Variants in TCF4 observed in about 807,000 individuals in gnomAD.
TCF4 encodes SL3-3 enhancer factor 2.
A neutral mutation model predicts 82.1 loss-of-function variants in TCF4; 3 were observed. That is an observed-to-expected ratio of 0.04 (90% CI 0.02 to 0.09). The LOEUF (loss-of-function observed/expected upper bound fraction) is 0.09, where lower values mean the gene tolerates loss of function less well. TCF4 is among the 10% of genes least tolerant of loss of function. TCF4 has a pLI of 1.00. For missense variants in TCF4, 518 were observed against 852.7 expected (o/e 0.61, Z 4.89); for synonymous variants, 276 against 309.6 (o/e 0.89, Z 1.14).
At chr18:55,600,007 G>T (rs906842063) in intron 2 of TCF4, among the ~76,000 whole-genome samples, 1 of 151,944 alleles carries the variant, frequency 6.6e-6, no homozygotes, top group Non-Finnish European at 1.5e-5. Context: ...GTCACTCATT[G>T]TATCTGTGAG....
At chr18:55,456,343 C>G (rs980070959) in intron 5 of TCF4, among the ~76,000 whole-genome samples, 5 of 152,158 alleles carry the variant, frequency 3.3e-5, no homozygotes, top group Admixed American at 2.0e-4. Flanking sequence ...TTATTTAATG[C>G]TCTGGGAGAG....
intron 8 of TCF4, among the ~76,000 whole-genome samples, chr18:55,311,397 T>C (rs1460575874): frequency 1.3e-5 from 2 of 152,222 alleles, no homozygotes; most frequent in Admixed American, 1.3e-4. Flanking sequence ...CAGCCCTAGA[T>C]GCCAGTAGCA....
At chr18:55,377,378 C>T (rs2091016848) in intron 6 of TCF4, among the ~76,000 whole-genome samples, 1 of 152,182 alleles carries the variant, frequency 6.6e-6, no homozygotes, top group South Asian at 2.1e-4. Flanking sequence ...AAACAAGCCA[C>T]TCTTGGAGAT....
rs758139403 is a variant in TCF4 at position 55,224,032 on chromosome 18, A to AT, written c.*4002dup. The AT allele has an allele frequency of 6.7e-6, 1 of 148,852 alleles. No homozygotes were observed. The highest frequency in any genetic ancestry group is 1.5e-5 in the Non-Finnish European group (1 of 67,050). The allele number at this position is 148,852 out of a possible 1,614,324, so 9.2% of individuals were successfully genotyped here. A position where few individuals can be genotyped will look rare whatever the true frequency, so the allele number is the denominator to read the frequency against. On this transcript the variant is annotated 3_prime_UTR_variant, in exon 20 of 20. Coordinates refer to ENST00000354452, the MANE Select transcript of TCF4 (RefSeq NM_001083962.2). The stretch of plus-strand genomic sequence containing the variant: ...CTCCTGCGAAAAATAAGCCAAATAT[A>AT]TTTTTTATTTTTAAATTTAGTTTTT...
intron 17 of TCF4, chr18:55,231,644 G>C (rs1428094677): frequency 6.6e-6 from 1 of 152,166 alleles, no homozygotes; most frequent in African/African-American, 2.4e-5. Flanking sequence ...ATCAGAAAAA[G>C]ACAACAAGGA....
At chr18:55,297,541 A>G (rs1272626661) in intron 8 of TCF4, among the ~76,000 whole-genome samples, 4 of 152,170 alleles carry the variant, frequency 2.6e-5, no homozygotes, top group South Asian at 2.1e-4. Context: ...TCTGGGTATT[A>G]AGAGAGAGGA....
intron 3 of TCF4, among the ~76,000 whole-genome samples, chr18:55,559,411 A>G (rs969962470): frequency 1.3e-4 from 20 of 152,150 alleles, no homozygotes; most frequent in Admixed American, 1.2e-3. Flanking sequence ...AATGAAGTGC[A>G]CTTATAAACA....
chr18:55,488,182 T>C (rs879910628), intron 3 of TCF4, among the ~76,000 whole-genome samples: 4 of 152,218 alleles, frequency 2.6e-5, no homozygotes, highest in Admixed American at 2.6e-4. Context: ...CCTTACTCCC[T>C]GGGTTTTCAT....
At chr18:55,318,389 C>A (rs1472396861) in intron 8 of TCF4, among the ~76,000 whole-genome samples, 1 of 151,932 alleles carries the variant, frequency 6.6e-6, no homozygotes, top group Non-Finnish European at 1.5e-5. Flanking sequence ...ACAAAATAAG[C>A]TACTGATTTT....
chr18:55,400,851 C>A, intron 6 of TCF4: 1 of 717,578 alleles, frequency 1.4e-6, no homozygotes, highest in Non-Finnish European at 2.0e-6. Context: ...GCACTGCTCA[C>A]CCCTTTAAGT....
At chr18:55,586,180 CAGCAGCAGCAGCAGCAGCAG>C (rs1268568114) in intron 2 of TCF4, 69,749 of 602,046 alleles carry the variant, frequency 0.12, 8,695 homozygotes, top group Admixed American at 0.32. Flanking sequence ...GCAGCAGCAG[CAGCAGCAGCAGCAGCAGCAG>C]CAGCAGCAGC....
At chr18:55,229,360 G>A (rs1178001650) in intron 17 of TCF4, 1 of 472,252 alleles carries the variant, frequency 2.1e-6, no homozygotes, top group African/African-American at 2.0e-5. Flanking sequence ...TGATACAGGG[G>A]GGCAGAAAGG....
At chr18:55,563,145 G>A (rs919232275) in intron 3 of TCF4, among the ~76,000 whole-genome samples, 11 of 151,540 alleles carry the variant, frequency 7.3e-5, no homozygotes, top group Admixed American at 7.2e-4. Flanking sequence ...AGGTTGAGGT[G>A]GGAGGATCAC....
At chr18:55,563,961 T>G (rs2097377797) in intron 3 of TCF4, among the ~76,000 whole-genome samples, 1 of 152,246 alleles carries the variant, frequency 6.6e-6, no homozygotes, top group South Asian at 2.1e-4. Context: ...AGAACTATCA[T>G]TCCTATTAAT....
intron 8 of TCF4, 27 bp downstream of exon 8, chr18:55,350,332 T>C (rs777075483): frequency 6.2e-7 from 1 of 1,610,912 alleles, no homozygotes; most frequent in Non-Finnish European, 8.5e-7. Context: ...ATAAGCAATA[T>C]ACAAAGCAGA....
chr18:55,539,899 G>A (rs2097150467), intron 3 of TCF4, among the ~76,000 whole-genome samples: 1 of 152,066 alleles, frequency 6.6e-6, no homozygotes, highest in Admixed American at 6.6e-5. Context: ...AAATTACACA[G>A]AAATCGTTCA....
intron 5 of TCF4, among the ~76,000 whole-genome samples, chr18:55,433,695 G>A (rs555703816): frequency 2.6e-5 from 4 of 152,336 alleles, no homozygotes; most frequent in South Asian, 2.1e-4. Context: ...TGCAAGAGGC[G>A]GCACACGTTT....
At chr18:55,281,174 GA>G (rs1269761367) in intron 8 of TCF4, among the ~76,000 whole-genome samples, 3 of 151,648 alleles carry the variant, frequency 2.0e-5, no homozygotes, top group Non-Finnish European at 2.9e-5. Flanking sequence ...TTACAATAAG[GA>G]AAAAAAACTT....
intron 8 of TCF4, among the ~76,000 whole-genome samples, chr18:55,305,918 A>T (rs1056881551): frequency 6.6e-6 from 1 of 152,230 alleles, no homozygotes; most frequent in African/African-American, 2.4e-5. Flanking sequence ...CCAAAGATAC[A>T]GAGGTGAACT....
Sources: gnomAD v4.1 joint callset for allele counts (sites outside exome capture counted in the v4.1 genomes callset) on GRCh38, gnomAD v4.1.1 for gene constraint, MANE v1.5 for transcripts, NCBI Gene and HGNC (gene_info 2026-07-23, HGNC 2026-07-21) for gene names.